Variants in UBE2Q2 observed in about 807,000 individuals in gnomAD.
UBE2Q2 encodes the protein ubiquitin conjugating enzyme E2 Q2.
In UBE2Q2, 54 loss-of-function variants were observed where a neutral mutation model predicts 59.9. The ratio of observed to expected loss-of-function variants is 0.90; its 90% CI spans 0.72 to 1.13. UBE2Q2 has a LOEUF of 1.13. UBE2Q2 is among the 50% of genes most tolerant of loss of function. UBE2Q2 has a pLI of 0.00. For synonymous variants in UBE2Q2, 165 were observed against 155.2 expected, an observed-to-expected ratio of 1.06 and a Z score of -0.47; for missense variants, 433 against 441.9, an observed-to-expected ratio of 0.98 and a Z score of 0.18.
At chr15:75,866,910 T>G (rs1897520469) in intron 3 of UBE2Q2, among the ~76,000 whole-genome samples, 1 of 152,244 alleles carries the variant, frequency 6.6e-6, no homozygotes, top group Non-Finnish European at 1.5e-5. Context: ...TCATTAGTAA[T>G]GCTTCAGATC....
chr15:75,862,965 G>A (rs1897273385), intron 3 of UBE2Q2, among the ~76,000 whole-genome samples: 1 of 152,010 alleles, frequency 6.6e-6, no homozygotes, highest in Non-Finnish European at 1.5e-5. Context: ...CATAAATGAT[G>A]GCTGGAACTA....
chr15:75,883,899 A>G (rs1385521570), intron 9 of UBE2Q2, among the ~76,000 whole-genome samples: 1 of 152,186 alleles, frequency 6.6e-6, no homozygotes, highest in East Asian at 1.9e-4. Flanking sequence ...ACCATAAAAA[A>G]GCTAATGTTT....
chr15:75,859,747 T>C, intron 2 of UBE2Q2, 131 bp from the exon 3 acceptor site: 1 of 570,688 alleles, frequency 1.8e-6, no homozygotes, highest in Non-Finnish European at 2.9e-6. Flanking sequence ...ATTTTTTAAA[T>C]CTGTAAGCTG....
intron 2 of UBE2Q2, among the ~76,000 whole-genome samples, chr15:75,859,547 A>G (rs1897104944): frequency 6.6e-6 from 1 of 152,066 alleles, no homozygotes; most frequent in South Asian, 2.1e-4. Flanking sequence ...TCATTAATGC[A>G]TTAATGTTCT....
chr15:75,851,275 A>G (rs1316188172), intron 1 of UBE2Q2, among the ~76,000 whole-genome samples: 1 of 151,558 alleles, frequency 6.6e-6, no homozygotes, highest in Non-Finnish European at 1.5e-5. Flanking sequence ...ATTTTTTTGT[A>G]GAGACAGGGT....
At position 75,879,744 on chromosome 15, in the gene UBE2Q2, AG is replaced by A. The variant is rs369747256; in HGVS notation, c.825+562del. ...CTATGGTGTTAAAATTCCATGGAGC[AG>A]GGGGGTAAAACTAGGAAGAAAACTT... On this transcript the variant is annotated intron_variant, in intron 8 of 12. Coordinates refer to ENST00000267938, the MANE Select transcript of UBE2Q2 (RefSeq NM_173469.4). 2.0e-3 allele frequency among the ~76,000 whole-genome samples: 301 copies of A among 152,290 alleles called. 1 individual carries two copies. The highest frequency in any genetic ancestry group is 6.7e-3 in the African/African-American group (280 of 41,550).
chr15:75,844,277 AT>A lies in UBE2Q2; in HGVS notation c.180+436del. On this transcript the variant is annotated intron_variant, in intron 1 of 12. Coordinates refer to ENST00000267938, the MANE Select transcript of UBE2Q2 (RefSeq NM_173469.4). Reference sequence around the variant, plus strand: ...AACGGCCCTTAAGTTTTAACGCCTCATTTTTCAGTCGGATTTTCCTTCTTCC... The same window carrying A: ...AACGGCCCTTAAGTTTTAACGCCTCATTTTCAGTCGGATTTTCCTTCTTCC... 3.9e-6 allele frequency: 6 copies of A among 1,538,618 alleles called. No individual in the cohort carries two copies. The Admixed American group carries it at 1.2e-4, about 30-fold the overall frequency.
At chr15:75,895,110 C>A (rs938357060) in intron 11 of UBE2Q2, 1 of 151,592 alleles carries the variant, frequency 6.6e-6, no homozygotes, top group Non-Finnish European at 1.5e-5. Flanking sequence ...GGCGTGAACC[C>A]GGGAGGCGGA....
chr15:75,850,112 C>A (rs1896554512), intron 1 of UBE2Q2, among the ~76,000 whole-genome samples: 2 of 152,144 alleles, frequency 1.3e-5, no homozygotes, highest in East Asian at 3.8e-4. Context: ...TTAAACTGAA[C>A]AAACCTTGAA....
At chr15:75,860,492 A>G (rs963525624) in intron 3 of UBE2Q2, among the ~76,000 whole-genome samples, 2 of 151,848 alleles carry the variant, frequency 1.3e-5, no homozygotes, top group African/African-American at 4.8e-5. Flanking sequence ...CTCTTATACC[A>G]CCCACTTACC....
intron 1 of UBE2Q2, among the ~76,000 whole-genome samples, chr15:75,845,467 T>G (rs1346435014): frequency 6.6e-6 from 1 of 152,180 alleles, no homozygotes; most frequent in Admixed American, 6.5e-5. Context: ...CTGAATGGCT[T>G]CGAGGGTGAT....
intron 4 of UBE2Q2, among the ~76,000 whole-genome samples, chr15:75,869,444 C>G (rs1897669774): frequency 6.6e-6 from 1 of 152,194 alleles, no homozygotes; most frequent in African/African-American, 2.4e-5. Context: ...TTGTCTTAAT[C>G]TGGTTTACAC....
chr15:75,895,849 A>G (rs1334535561), intron 11 of UBE2Q2, among the ~76,000 whole-genome samples: 10 of 152,166 alleles, frequency 6.6e-5, no homozygotes, highest in Non-Finnish European at 1.2e-4. Context: ...ACACATATAT[A>G]TCTTTTGACA....
chr15:75,897,469 TCGGCCTC>T (rs1899495367), intron 12 of UBE2Q2, among the ~76,000 whole-genome samples: 1 of 152,044 alleles, frequency 6.6e-6, no homozygotes, highest in African/African-American at 2.4e-5. Context: ...TCCGCCCGCC[TCGGCCTC>T]CCAAAGTACT....
chr15:75,875,729 CT>C lies in UBE2Q2; in HGVS notation c.589-456del, dbSNP rs539513124. Among the ~76,000 whole-genome samples, 101 of 152,068 alleles carry C rather than the reference CT, an allele frequency of 6.6e-4. 2 individuals are homozygous for C. In the East Asian group the frequency reaches 0.017, roughly 26 times the overall value. On this transcript the variant is annotated intron_variant, in intron 5 of 12. Transcript: ENST00000267938. Reference sequence around the variant, plus strand: ...GCCTAGTTTTAATATCCTCTTGAAACTTCATAATGCTTCATTTAATTGGGCT... The same window carrying C: ...GCCTAGTTTTAATATCCTCTTGAAACTCATAATGCTTCATTTAATTGGGCT...
At chr15:75,887,412 A>G (rs1021762534) in intron 9 of UBE2Q2, among the ~76,000 whole-genome samples, 6 of 152,180 alleles carry the variant, frequency 3.9e-5, no homozygotes, top group Non-Finnish European at 7.4e-5. Flanking sequence ...AGTAAACACA[A>G]TCAGTTATCT....
Position 75,881,880 on chromosome 15 carries a change from G to T in UBE2Q2, c.826-1486G>T, listed in dbSNP as rs137933994. 5.5e-4 allele frequency among the ~76,000 whole-genome samples: 83 copies of T among 152,222 alleles called. 1 individual carries two copies. The East Asian group carries it at 0.015, about 27-fold the overall frequency. ...GAATTCTGAGGTAGTACTTTAAGAA[G>T]GGTCTATTTAGATAAACTTAGGTTC... On this transcript the variant is annotated intron_variant, in intron 8 of 12. Transcript: ENST00000267938.
chr15:75,846,780 A>G (rs2141526452), intron 1 of UBE2Q2, among the ~76,000 whole-genome samples: 1 of 152,342 alleles, frequency 6.6e-6, no homozygotes, highest in East Asian at 1.9e-4. Context: ...TATACTTACC[A>G]AGAAACATCC....
At chr15:75,897,411 G>A (rs1899490828) in intron 12 of UBE2Q2, among the ~76,000 whole-genome samples, 1 of 151,550 alleles carries the variant, frequency 6.6e-6, no homozygotes, top group East Asian at 1.9e-4. Context: ...AGTAGAGACC[G>A]GGTTTCCCTG....
Sources: allele counts gnomAD v4.1 joint callset (sites outside exome capture counted in the v4.1 genomes callset), GRCh38; gene constraint gnomAD v4.1.1; transcripts MANE v1.5; gene names NCBI Gene and HGNC (gene_info 2026-07-23, HGNC 2026-07-21).